CSMD1: variants seen among roughly 807,000 people sequenced by gnomAD.
The protein encoded by CSMD1 is CUB and Sushi multiple domains 1, also known as CUB and sushi domain-containing protein 1.
CSMD1 carries 213 observed loss-of-function variants against 417.5 expected under a neutral mutation model. The ratio of observed to expected loss-of-function variants is 0.51; its 90% CI spans 0.46 to 0.57. The LOEUF is 0.57. Among genes scored for constraint, CSMD1 ranks in the 20% least tolerant of loss-of-function variants. CSMD1 has a pLI of 0.00. For missense variants in CSMD1, 6,923 were observed against 4,529.7 expected (o/e 1.53, Z -15.17); for synonymous variants, 2,862 against 1,736.8 (o/e 1.65, Z -16.11).
At chr8:3,725,950 A>G (rs1802470163) in intron 6 of CSMD1, among the ~76,000 whole-genome samples, 1 of 152,178 alleles carries the variant, frequency 6.6e-6, no homozygotes, top group East Asian at 1.9e-4. Context: ...CTCGCAAGCA[A>G]TGAACAGAAA....
At chr8:3,593,439 G>T (rs762148766) in intron 8 of CSMD1, among the ~76,000 whole-genome samples, 2 of 152,206 alleles carry the variant, frequency 1.3e-5, no homozygotes, top group African/African-American at 2.4e-5. Flanking sequence ...GCCTAGGAAA[G>T]GTTATGACTG....
chr8:3,221,573 C>T (rs1037234305), intron 28 of CSMD1, among the ~76,000 whole-genome samples: 23 of 148,930 alleles, frequency 1.5e-4, no homozygotes, highest in Admixed American at 3.3e-4. Context: ...CTATATATCC[C>T]ATCTGCTCTC....
At chr8:3,144,519 C>T (rs1379802563) in intron 40 of CSMD1, among the ~76,000 whole-genome samples, 3 of 152,022 alleles carry the variant, frequency 2.0e-5, no homozygotes, top group Non-Finnish European at 4.4e-5. Flanking sequence ...ATTCATATCA[C>T]GTTGTCCAAG....
intron 2 of CSMD1, among the ~76,000 whole-genome samples, chr8:4,426,625 T>TATAAC (rs1554472578): frequency 1.4e-5 from 2 of 146,968 alleles, no homozygotes; most frequent in Admixed American, 6.9e-5. Context: ...TTGTTTACTA[T>TATAAC]ATAATATAGT....
At chr8:3,067,848 T>C (rs1203593346) in intron 49 of CSMD1, among the ~76,000 whole-genome samples, 1 of 152,034 alleles carries the variant, frequency 6.6e-6, no homozygotes, top group Non-Finnish European at 1.5e-5. Context: ...ATACTAACAA[T>C]ATGAGTCAAT....
chr8:3,767,490 C>A (rs1331725360), intron 5 of CSMD1, among the ~76,000 whole-genome samples: 1 of 152,198 alleles, frequency 6.6e-6, no homozygotes, highest in African/African-American at 2.4e-5. Context: ...TCTTTTTCTA[C>A]TTCCCCCAAC....
intron 3 of CSMD1, among the ~76,000 whole-genome samples, chr8:4,389,792 A>G (rs1056629567): frequency 6.6e-6 from 1 of 152,190 alleles, no homozygotes; most frequent in Non-Finnish European, 1.5e-5. Flanking sequence ...TTAAAAATGT[A>G]AAGCCTTACA....
chr8:3,289,825 G>C (rs1803417920), intron 25 of CSMD1, among the ~76,000 whole-genome samples: 3 of 147,338 alleles, frequency 2.0e-5, no homozygotes, highest in African/African-American at 5.4e-5. Context: ...AAGCTCTTTA[G>C]TTTAATTAGA....
chr8:3,586,853 G>T (rs938871707), intron 8 of CSMD1, among the ~76,000 whole-genome samples: 2 of 152,198 alleles, frequency 1.3e-5, no homozygotes, highest in Admixed American at 1.3e-4. Flanking sequence ...AGGCTGGAGT[G>T]CAGTGGCACG....
At chr8:3,798,995 T>C (rs1800313818) in intron 5 of CSMD1, among the ~76,000 whole-genome samples, 1 of 152,054 alleles carries the variant, frequency 6.6e-6, no homozygotes, top group African/African-American at 2.4e-5. Flanking sequence ...AAATATGCCA[T>C]ATAAATGTAA....
chr8:4,300,127 G>A (rs898147519), intron 3 of CSMD1, among the ~76,000 whole-genome samples: 5 of 152,160 alleles, frequency 3.3e-5, no homozygotes, highest in African/African-American at 7.2e-5. Context: ...TCAGCTGAGT[G>A]CTTTTGACTG....
At chr8:3,979,251 T>A (rs769176515) in intron 5 of CSMD1, among the ~76,000 whole-genome samples, 1 of 152,158 alleles carries the variant, frequency 6.6e-6, no homozygotes, top group African/African-American at 2.4e-5. Context: ...TTAGGGCATC[T>A]TTTTGTTTTG....
At chr8:3,415,180 T>A (rs1056069620) in intron 12 of CSMD1, among the ~76,000 whole-genome samples, 8 of 152,254 alleles carry the variant, frequency 5.3e-5, no homozygotes, top group African/African-American at 1.9e-4. Flanking sequence ...GCATGTTATT[T>A]TGAAATATGT....
chr8:4,721,676 A>G (rs547219734), intron 1 of CSMD1, among the ~76,000 whole-genome samples: 2 of 152,310 alleles, frequency 1.3e-5, no homozygotes, highest in South Asian at 2.1e-4. Flanking sequence ...ACATAGAAAT[A>G]TCATATAACC....
Position 3,219,263 on chromosome 8 carries a change from T to G in CSMD1, c.4664A>C (p.Glu1555Ala). Residue 1555 changes from glutamate to alanine, a missense_variant, in exon 29 of 70, where the codon GAA becomes GCA. Transcript: ENST00000635120. ...ASVGLSGFAI[E>A]FKEKPREACF... The stretch of plus-strand genomic sequence containing the variant: ...TCAGGCAATCGCAATACCTTTAAAT[T>G]CAATGGCGAACCCTGAAAGGCCCAC... The G allele has an allele frequency of 6.3e-7, 1 of 1,590,462 alleles. No individual in the cohort carries two copies. Among genetic ancestry groups the G allele is most frequent in the Non-Finnish European group, 8.6e-7 (1 of 1,167,382 alleles).
At chr8:3,766,100 G>C (rs1213270176) in intron 5 of CSMD1, among the ~76,000 whole-genome samples, 1 of 152,184 alleles carries the variant, frequency 6.6e-6, no homozygotes, top group Admixed American at 6.5e-5. Flanking sequence ...AGACAGACAA[G>C]TAATTCGATA....
chr8:4,436,145 A>C (rs35007706), intron 2 of CSMD1, among the ~76,000 whole-genome samples: 3 of 152,082 alleles, frequency 2.0e-5, no homozygotes, highest in Admixed American at 2.0e-4. Context: ...AATAGAAGTC[A>C]TAGATATTGA....
chr8:4,026,930 A>C (rs1233746742), intron 4 of CSMD1, among the ~76,000 whole-genome samples: 1 of 106,650 alleles, frequency 9.4e-6, no homozygotes, highest in Non-Finnish European at 1.9e-5. Flanking sequence ...CAAACAACAA[A>C]CAAACAAACA....
chr8:4,398,097 G>A (rs149976300), intron 3 of CSMD1, among the ~76,000 whole-genome samples: 50 of 152,236 alleles, frequency 3.3e-4, no homozygotes, highest in African/African-American at 1.2e-3. Context: ...GAAGAGATAT[G>A]CCATCTTTTA....
Sources: allele counts gnomAD v4.1 joint callset (sites outside exome capture counted in the v4.1 genomes callset), GRCh38; gene constraint gnomAD v4.1.1; transcripts MANE v1.5; gene names NCBI Gene and HGNC (gene_info 2026-07-23, HGNC 2026-07-21).